CEP83: variants seen among roughly 807,000 people sequenced by gnomAD.
CEP83 encodes centrosomal protein of 83 kDa.
Under a neutral mutation model 101.9 loss-of-function variants are expected in CEP83, and 70 were observed. That is an observed-to-expected ratio of 0.69 (90% CI 0.57 to 0.84). CEP83 has a LOEUF of 0.84. CEP83 is among the 40% of genes least tolerant of loss of function. The probability of loss-of-function intolerance (pLI) is 0.00; values close to 1 mark genes in which losing one functional copy is unlikely to be tolerated. For missense variants in CEP83, 715 were observed against 787.2 expected (o/e 0.91, Z 1.10); for synonymous variants, 264 against 267.9 (o/e 0.99, Z 0.14).
the CEP83 span, among the ~76,000 whole-genome samples, chr12:94,297,749 G>A: frequency 6.6e-6 from 1 of 152,136 alleles, no homozygotes; most frequent in African/African-American, 2.4e-5. Flanking sequence ...TGTTATTATA[G>A]ATGAGCAATA....
intron 1 of CEP83, among the ~76,000 whole-genome samples, chr12:94,439,517 T>C (rs972286724): frequency 2.8e-5 from 4 of 144,424 alleles, no homozygotes; most frequent in Admixed American, 1.4e-4. Flanking sequence ...CAATAACAAG[T>C]AGCAAGATTG....
chr12:94,312,502 G>T, intron 15 of CEP83: 1 of 757,836 alleles, frequency 1.3e-6, no homozygotes, highest in African/African-American at 1.9e-5. Context: ...TATCAGATGT[G>T]CTTGAATGTG....
intron 14 of CEP83, among the ~76,000 whole-genome samples, chr12:94,325,329 T>A (rs2136418186): frequency 6.6e-6 from 1 of 152,226 alleles, no homozygotes; most frequent in East Asian, 1.9e-4. Flanking sequence ...CCCGCCACCA[T>A]GCCCGGCTAA....
At chr12:94,344,172 T>C (rs939333701) in intron 11 of CEP83, among the ~76,000 whole-genome samples, 2 of 152,234 alleles carry the variant, frequency 1.3e-5, no homozygotes, top group Non-Finnish European at 2.9e-5. Flanking sequence ...TATTTTATTA[T>C]GGCAGACTTA....
At chr12:94,407,630 C>A (rs561629481) in intron 4 of CEP83, among the ~76,000 whole-genome samples, 3 of 152,128 alleles carry the variant, frequency 2.0e-5, no homozygotes, top group Admixed American at 1.3e-4. Flanking sequence ...CTTTTTCTTA[C>A]CTCCTAGGAA....
intron 2 of CEP83, among the ~76,000 whole-genome samples, chr12:94,430,045 C>T (rs1035536938): frequency 2.6e-5 from 4 of 152,044 alleles, no homozygotes; most frequent in Non-Finnish European, 5.9e-5. Flanking sequence ...AGCACCTATA[C>T]GCACCACTGG....
At chr12:94,276,035 A>T in the CEP83 span, among the ~76,000 whole-genome samples, 1 of 152,194 alleles carries the variant, frequency 6.6e-6, no homozygotes, top group Non-Finnish European at 1.5e-5. Flanking sequence ...TGGCAGATTT[A>T]CATTATTTTA....
chr12:94,348,580 G>T (rs1237305744), intron 11 of CEP83, among the ~76,000 whole-genome samples: 1 of 152,072 alleles, frequency 6.6e-6, no homozygotes, highest in African/African-American at 2.4e-5. Flanking sequence ...TCAGTGGCTG[G>T]ATGGAGAAGA....
chr12:94,282,387 A>G, the CEP83 span: 2 of 1,609,430 alleles, frequency 1.2e-6, no homozygotes, highest in South Asian at 2.2e-5. Flanking sequence ...GCTAAACACC[A>G]TTGGCCACTA....
At chr12:94,267,882 G>A in the CEP83 span, among the ~76,000 whole-genome samples, 1 of 151,764 alleles carries the variant, frequency 6.6e-6, no homozygotes, top group Non-Finnish European at 1.5e-5. Flanking sequence ...CCCCTCCCAA[G>A]CATGTACACC....
chr12:94,444,075 T>C (rs753725471), intron 1 of CEP83, among the ~76,000 whole-genome samples: 2 of 152,062 alleles, frequency 1.3e-5, no homozygotes, highest in Non-Finnish European at 2.9e-5. Context: ...GCTAACCAAT[T>C]ATGCATGCGT....
At chr12:94,307,686 T>C (rs1033278983), downstream of CEP83, 7 of 152,022 alleles carry the variant, frequency 4.6e-5, no homozygotes, top group Non-Finnish European at 1.0e-4. Context: ...GACTGTCTTT[T>C]TTTTTTTTCA....
intron 13 of CEP83, among the ~76,000 whole-genome samples, 158 bp downstream of exon 13, chr12:94,333,324 C>T (rs1340529929): frequency 2.0e-5 from 3 of 151,920 alleles, no homozygotes; most frequent in Admixed American, 1.3e-4. Context: ...TCTATAAAAA[C>T]ATAAAGTACA....
chr12:94,394,860 C>T (rs991140538), intron 6 of CEP83, among the ~76,000 whole-genome samples: 10 of 152,170 alleles, frequency 6.6e-5, no homozygotes, highest in African/African-American at 1.4e-4. Context: ...AGACAACAGC[C>T]ACATGTAAAA....
At chr12:94,457,860 A>T (rs538762355) in intron 1 of CEP83, among the ~76,000 whole-genome samples, 2 of 152,184 alleles carry the variant, frequency 1.3e-5, no homozygotes, top group Admixed American at 6.5e-5. Context: ...AGGGTTCAAT[A>T]AGAGGAGACA....
At position 94,454,436 on chromosome 12, in the gene CEP83, G is replaced by A. The variant is rs190378413; in HGVS notation, c.-155+5121C>T. On this transcript the variant is annotated intron_variant, in intron 1 of 16. Transcript: ENST00000397809. ...AAGGATTGCAAATGCACCAATCAGC[G>A]CTCTGTGTCTAACTAAAGGTTTGTA... Among the ~76,000 whole-genome samples, 250 of 152,268 alleles carry A rather than the reference G, an allele frequency of 1.6e-3. 7 individuals are homozygous for A. The South Asian group carries it at 0.049, about 30-fold the overall frequency.
chr12:94,448,479 T>C (rs2066972010), intron 1 of CEP83, among the ~76,000 whole-genome samples: 1 of 152,126 alleles, frequency 6.6e-6, no homozygotes, highest in Non-Finnish European at 1.5e-5. Flanking sequence ...TTGCAGAATA[T>C]ACAACCTTTT....
chr12:94,296,891 G>A, the CEP83 span, among the ~76,000 whole-genome samples: 1 of 152,176 alleles, frequency 6.6e-6, no homozygotes, highest in Admixed American at 6.5e-5. Flanking sequence ...TGGCACATAG[G>A]AGGTGTTCTA....
At chr12:94,348,278 G>T (rs7311235) in intron 11 of CEP83, among the ~76,000 whole-genome samples, 7 of 152,076 alleles carry the variant, frequency 4.6e-5, no homozygotes, top group African/African-American at 1.4e-4. Context: ...CCAGCCGTCA[G>T]AAGTTGACAA....
Sources: gnomAD v4.1 joint callset for allele counts (sites outside exome capture counted in the v4.1 genomes callset) on GRCh38, gnomAD v4.1.1 for gene constraint, MANE v1.5 for transcripts, NCBI Gene and HGNC (gene_info 2026-07-23, HGNC 2026-07-21) for gene names.